The following SNX24 variants were observed in gnomAD, a reference collection of about 807,000 sequenced individuals.
The protein encoded by SNX24 is sorting nexin-24.
SNX24 carries 22 observed loss-of-function variants against 28.7 expected under a neutral mutation model. That is an observed-to-expected ratio of 0.77 (90% CI 0.55 to 1.10). The LOEUF (loss-of-function observed/expected upper bound fraction) is 1.10. Ranked by LOEUF, SNX24 falls within the 50% of genes least tolerant of loss-of-function variation. The pLI is 0.00. For missense variants in SNX24, 221 were observed against 201.1 expected (o/e 1.10, Z -0.60); for synonymous variants, 69 against 71.5 (o/e 0.96, Z 0.18).
intron 5 of SNX24, among the ~76,000 whole-genome samples, chr5:123,021,099 A>C (rs2150187016): frequency 1.7e-5 from 2 of 120,322 alleles, no homozygotes; most frequent in African/African-American, 3.2e-5. Context: ...CTGCCTCCAC[A>C]CAGTTCCCCC....
At chr5:122,875,249 C>T in intron 1 of SNX24, among the ~76,000 whole-genome samples, 1 of 152,262 alleles carries the variant, frequency 6.6e-6, no homozygotes, top group South Asian at 2.1e-4. Flanking sequence ...AGTAGAGACA[C>T]TGTATTAAAA....
At chr5:123,002,949 T>C (rs1183320058) in intron 6 of SNX24, among the ~76,000 whole-genome samples, 1 of 152,202 alleles carries the variant, frequency 6.6e-6, no homozygotes, top group African/African-American at 2.4e-5. Context: ...TCCAGGGAAG[T>C]CCCTGACTTG....
intron 1 of SNX24, among the ~76,000 whole-genome samples, chr5:122,849,999 G>A (rs559498933): frequency 1.4e-3 from 215 of 152,226 alleles, no homozygotes; most frequent in African/African-American, 4.8e-3. Context: ...AAGAATAGTG[G>A]GGAGAGATCA....
At chr5:122,958,692 C>T (rs1760326011) in intron 3 of SNX24, among the ~76,000 whole-genome samples, 1 of 148,808 alleles carries the variant, frequency 6.7e-6, no homozygotes, top group Admixed American at 6.8e-5. Context: ...CTTGGTCATA[C>T]TTTATAGTCT....
chr5:122,883,024 A>G (rs2150062671), intron 1 of SNX24, among the ~76,000 whole-genome samples: 2 of 152,242 alleles, frequency 1.3e-5, no homozygotes, highest in Middle Eastern at 3.4e-3. Flanking sequence ...AGAGAAAGCA[A>G]AAGTAGAAAC....
intron 3 of SNX24, among the ~76,000 whole-genome samples, chr5:122,980,860 A>T (rs1461422055): frequency 6.6e-6 from 1 of 152,052 alleles, no homozygotes; most frequent in Non-Finnish European, 1.5e-5. Flanking sequence ...TTCACTCTAC[A>T]GGTTGCTGTT....
At chr5:122,995,336 C>T (rs1273988429) in intron 3 of SNX24, among the ~76,000 whole-genome samples, 1 of 152,224 alleles carries the variant, frequency 6.6e-6, no homozygotes, top group Non-Finnish European at 1.5e-5. Context: ...ATCCCCTTGA[C>T]TTTCCACTGC....
intron 1 of SNX24, among the ~76,000 whole-genome samples, chr5:122,928,734 A>G (rs1324455986): frequency 6.6e-6 from 1 of 151,878 alleles, no homozygotes; most frequent in African/African-American, 2.4e-5. Flanking sequence ...TGAGACTTGA[A>G]CAGATAAACC....
chr5:122,883,802 C>T (rs1463504694), intron 1 of SNX24, among the ~76,000 whole-genome samples: 1 of 151,924 alleles, frequency 6.6e-6, no homozygotes, highest in Non-Finnish European at 1.5e-5. Flanking sequence ...GGCACGCATG[C>T]GCCACCACAC....
intron 3 of SNX24, among the ~76,000 whole-genome samples, chr5:122,984,290 GAAA>G (rs11395046): frequency 1.3e-5 from 2 of 149,990 alleles, no homozygotes; most frequent in Non-Finnish European, 3.0e-5. Flanking sequence ...CTACAATACA[GAAA>G]AAAAAAATCC....
chr5:122,877,791 T>A (rs1756298086), intron 1 of SNX24, among the ~76,000 whole-genome samples: 2 of 152,146 alleles, frequency 1.3e-5, no homozygotes, highest in African/African-American at 4.8e-5. Flanking sequence ...GAGTTTTGAT[T>A]CTGCCTGAGT....
chr5:123,000,279 T>C (rs555108383), intron 4 of SNX24, among the ~76,000 whole-genome samples: 1 of 152,382 alleles, frequency 6.6e-6, no homozygotes, highest in African/African-American at 2.4e-5. Context: ...AGAATGATGT[T>C]ACTTGATGGG....
intron 1 of SNX24, among the ~76,000 whole-genome samples, chr5:122,911,857 G>A (rs1757905185): frequency 6.9e-6 from 1 of 145,580 alleles, no homozygotes; most frequent in South Asian, 2.3e-4. Context: ...GTACCATGCT[G>A]TTTTGCTTAC....
At chr5:122,894,604 C>T (rs1158616124) in intron 1 of SNX24, among the ~76,000 whole-genome samples, 1 of 152,144 alleles carries the variant, frequency 6.6e-6, no homozygotes, top group Non-Finnish European at 1.5e-5. Flanking sequence ...AATGCTTTCT[C>T]TACCAATTTT....
intron 1 of SNX24, among the ~76,000 whole-genome samples, chr5:122,918,297 C>T (rs530124558): frequency 1.3e-5 from 2 of 152,202 alleles, no homozygotes; most frequent in Non-Finnish European, 2.9e-5. Context: ...ACACCATACA[C>T]AGAGTTTGTT....
At chr5:122,966,141 G>A (rs531040843) in intron 3 of SNX24, among the ~76,000 whole-genome samples, 1 of 152,272 alleles carries the variant, frequency 6.6e-6, no homozygotes, top group African/African-American at 2.4e-5. Context: ...CTGAATCAGA[G>A]TTGACCCTTG....
At chr5:123,027,838 A>C (rs1762883239) in intron 5 of SNX24, among the ~76,000 whole-genome samples, 1 of 152,250 alleles carries the variant, frequency 6.6e-6, no homozygotes, top group South Asian at 2.1e-4. Context: ...TTGGAGTTAC[A>C]TATATGGTGT....
intron 3 of SNX24, among the ~76,000 whole-genome samples, chr5:122,956,489 G>T (rs1164509522): frequency 6.6e-6 from 1 of 151,968 alleles, no homozygotes; most frequent in East Asian, 1.9e-4. Flanking sequence ...GAATAATGCT[G>T]CTGTGAACAT....
intron 1 of SNX24, among the ~76,000 whole-genome samples, chr5:122,870,428 C>G (rs1488491706): frequency 6.6e-6 from 1 of 152,146 alleles, no homozygotes; most frequent in Non-Finnish European, 1.5e-5. Flanking sequence ...TAGCAGTGGG[C>G]CTGAGATGTC....
Sources: gnomAD v4.1 joint callset for allele counts (sites outside exome capture counted in the v4.1 genomes callset) on GRCh38, gnomAD v4.1.1 for gene constraint, MANE v1.5 for transcripts, NCBI Gene and HGNC (gene_info 2026-07-23, HGNC 2026-07-21) for gene names.